Variants in STARD13 observed in about 807,000 individuals in gnomAD.
STARD13 encodes stAR-related lipid transfer protein 13.
STARD13 carries 62 observed loss-of-function variants against 106.4 expected under a neutral mutation model. That is an observed-to-expected ratio of 0.58 (90% CI 0.48 to 0.72). The LOEUF is 0.72. Ranked by LOEUF, STARD13 falls within the 30% of genes least tolerant of loss-of-function variation. The pLI is 0.00. For synonymous variants in STARD13, 565 were observed against 553.0 expected (o/e 1.02, Z -0.31); for missense variants, 1,387 against 1,424.0 (o/e 0.97, Z 0.42).
At chr13:33,328,931 T>C (rs369133502) in intron 1 of STARD13, among the ~76,000 whole-genome samples, 21 of 152,230 alleles carry the variant, frequency 1.4e-4, no homozygotes, top group African/African-American at 2.2e-4. Flanking sequence ...CTGGTGACAT[T>C]TGAAGAGCCC....
intron 1 of STARD13, among the ~76,000 whole-genome samples, chr13:33,217,196 T>C (rs1250638336): frequency 6.6e-6 from 1 of 152,194 alleles, no homozygotes; most frequent in Non-Finnish European, 1.5e-5. Context: ...CATGACACCA[T>C]ATGACACCTA....
the STARD13 span, among the ~76,000 whole-genome samples, chr13:33,615,293 G>T: frequency 6.6e-6 from 1 of 152,160 alleles, no homozygotes; most frequent in Non-Finnish European, 1.5e-5. Context: ...GTGGGCAGAA[G>T]CCATGGTTCT....
chr13:33,641,663 T>C, the STARD13 span, among the ~76,000 whole-genome samples: 5 of 152,340 alleles, frequency 3.3e-5, no homozygotes, highest in East Asian at 9.6e-4. Context: ...CCATACTTTA[T>C]TGAGTGTCTA....
intron 10 of STARD13, 47 bp from the exon 11 acceptor site, chr13:33,110,954 C>G (rs543357309): frequency 6.5e-7 from 1 of 1,537,812 alleles, no homozygotes; most frequent in Non-Finnish European, 9.0e-7. Context: ...GCCAAAGAAA[C>G]GCCGAGACTC....
chr13:33,641,811 T>G, the STARD13 span, among the ~76,000 whole-genome samples: 1 of 152,226 alleles, frequency 6.6e-6, no homozygotes, highest in African/African-American at 2.4e-5. Context: ...CTGGATCGTG[T>G]AACTTTTGGT....
At chr13:33,564,922 G>A in the STARD13 span, among the ~76,000 whole-genome samples, 7 of 144,256 alleles carry the variant, frequency 4.9e-5, no homozygotes, top group Non-Finnish European at 1.1e-4. Flanking sequence ...GAACCTGGGA[G>A]GTGGAGGTTG....
intron 1 of STARD13, among the ~76,000 whole-genome samples, chr13:33,343,591 A>AC (rs1475450404): frequency 9.5e-5 from 9 of 94,584 alleles, no homozygotes; most frequent in African/African-American, 3.2e-4. Context: ...AAAAAAAAAA[A>AC]AAAAAACAAA....
In STARD13 at chr13:33,220,919, G is replaced by T. The variant is rs552067670; in HGVS notation, c.170-53297C>A. Reference sequence around the variant, plus strand: ...AAAGTTATAGAGAACTGCAAGAACAGATGAGAGATTTACTGAATATCGTTG... The same window carrying T: ...AAAGTTATAGAGAACTGCAAGAACATATGAGAGATTTACTGAATATCGTTG... On this transcript the variant is annotated intron_variant, in intron 1 of 13. Transcript: ENST00000336934. Among the ~76,000 whole-genome samples the T allele has an allele frequency of 1.3e-4, 20 of 152,288 alleles. No individual in the cohort carries two copies. The East Asian group carries it at 3.5e-3, about 26-fold the overall frequency.
chr13:33,572,123 T>C, the STARD13 span, among the ~76,000 whole-genome samples: 6 of 152,210 alleles, frequency 3.9e-5, no homozygotes, highest in African/African-American at 1.4e-4. Flanking sequence ...ATCCTAATCG[T>C]CAACCATCAA....
At chr13:33,220,527 C>T (rs770664190) in intron 1 of STARD13, among the ~76,000 whole-genome samples, 1 of 151,984 alleles carries the variant, frequency 6.6e-6, no homozygotes, top group Non-Finnish European at 1.5e-5. Context: ...CTCGTCTCTA[C>T]TAAAAATACA....
chr13:33,345,021 T>C (rs2078003552), downstream of STARD13, among the ~76,000 whole-genome samples: 1 of 152,110 alleles, frequency 6.6e-6, no homozygotes, highest in African/African-American at 2.4e-5. Flanking sequence ...GCCATAAAAG[T>C]TTAGAATTGT....
At chr13:33,322,094 G>A (rs1042045448) in intron 1 of STARD13, among the ~76,000 whole-genome samples, 3 of 152,164 alleles carry the variant, frequency 2.0e-5, no homozygotes, top group African/African-American at 7.2e-5. Flanking sequence ...TAATCACAGT[G>A]TTGAGATTCG....
At chr13:33,646,144 G>T in the STARD13 span, among the ~76,000 whole-genome samples, 15 of 152,156 alleles carry the variant, frequency 9.9e-5, no homozygotes, top group African/African-American at 3.6e-4. Flanking sequence ...CAGAGAGCAT[G>T]TCCCAGGTGC....
At chr13:33,643,642 T>G in the STARD13 span, among the ~76,000 whole-genome samples, 3 of 152,242 alleles carry the variant, frequency 2.0e-5, no homozygotes, top group African/African-American at 7.2e-5. Context: ...TTCAGTTTGG[T>G]TTTGCAGGTC....
chr13:33,220,072 G>A (rs1017949993), intron 1 of STARD13, among the ~76,000 whole-genome samples: 7 of 152,126 alleles, frequency 4.6e-5, no homozygotes, highest in African/African-American at 1.7e-4. Context: ...AAAACTTGAT[G>A]AGGCAGGGAT....
Position 33,275,478 on chromosome 13 carries a change from C to T in STARD13, c.169+9992G>A, listed in dbSNP as rs181092957. 3.0e-3 allele frequency among the ~76,000 whole-genome samples: 461 copies of T among 152,208 alleles called. 1 individual carries two copies. Among genetic ancestry groups the T allele is most frequent in the Non-Finnish European group, 5.0e-3 (341 of 68,004 alleles). On this transcript the variant is annotated intron_variant, in intron 1 of 13. Transcript: ENST00000336934. Reference sequence around the variant, plus strand: ...TTGCAATAACTCTGAGACTGTTGCTCTTTTAATGCCATTTTACCCACAGAG... The same window carrying T: ...TTGCAATAACTCTGAGACTGTTGCTTTTTTAATGCCATTTTACCCACAGAG...
the STARD13 span, among the ~76,000 whole-genome samples, chr13:33,555,048 G>A: frequency 8.3e-4 from 127 of 152,240 alleles, no homozygotes; most frequent in Non-Finnish European, 1.5e-3. Context: ...GTAGTCTAAG[G>A]ATCACAGTGT....
At chr13:33,495,369 A>G in the STARD13 span, among the ~76,000 whole-genome samples, 7 of 152,216 alleles carry the variant, frequency 4.6e-5, no homozygotes, top group African/African-American at 1.7e-4. Flanking sequence ...ACTTGTTAAG[A>G]AAATGCTAAC....
chr13:33,159,906 G>A (rs1490176050), intron 3 of STARD13, among the ~76,000 whole-genome samples: 7 of 152,120 alleles, frequency 4.6e-5, no homozygotes, highest in Admixed American at 4.6e-4. Context: ...TATCAATTCT[G>A]AACAAACTGA....
Sources: gnomAD v4.1 joint callset for allele counts (sites outside exome capture counted in the v4.1 genomes callset) on GRCh38, gnomAD v4.1.1 for gene constraint, MANE v1.5 for transcripts, NCBI Gene and HGNC (gene_info 2026-07-23, HGNC 2026-07-21) for gene names.